Variants in INPPL1 observed in about 807,000 individuals in gnomAD.
INPPL1 encodes inositol polyphosphate phosphatase like 1.
INPPL1 carries 91 observed loss-of-function variants against 139.3 expected under a neutral mutation model. That is an observed-to-expected ratio of 0.65 (90% CI 0.55 to 0.78). INPPL1 has a LOEUF of 0.78. Ranked by LOEUF, INPPL1 falls within the 30% of genes least tolerant of loss-of-function variation. The probability of loss-of-function intolerance (pLI) is 0.00; values close to 1 mark genes in which losing one functional copy is unlikely to be tolerated. For synonymous variants in INPPL1, 719 were observed against 686.6 expected, an observed-to-expected ratio of 1.05 and a Z score of -0.74; for missense variants, 1,411 against 1,665.6, an observed-to-expected ratio of 0.85 and a Z score of 2.66.
chr11:72,231,948 C>G (rs1948846252), intron 13 of INPPL1, among the ~76,000 whole-genome samples: 1 of 152,176 alleles, frequency 6.6e-6, no homozygotes, highest in African/African-American at 2.4e-5. Flanking sequence ...CAGGTAGATT[C>G]TGCGCAGAAT....
At position 72,229,146 on chromosome 11, in the gene INPPL1, T is replaced by C; in HGVS notation, c.575T>C (p.Leu192Pro). 6.2e-7 allele frequency: 1 copy of C among 1,613,918 alleles called. No homozygotes were observed. The highest frequency in any genetic ancestry group is 8.5e-7 in the Non-Finnish European group (1 of 1,179,948). The change falls in exon 5 of 28, where the codon CTG (leucine) becomes CCG (proline). Residue 192 changes from leucine to proline, a missense_variant. Transcript: ENST00000298229. ...GACTACCTGAAAGGCAGCTATGGGC[T>C]GGACCTGGAAGCTGTGAGGGGTGGA... ...SHDYLKGSYG[L>P]DLEAVRGGAS...
chr11:72,230,765 A>C (rs1591276261), intron 10 of INPPL1, 31 bp from the exon 11 acceptor site: 2 of 1,595,188 alleles, frequency 1.3e-6, no homozygotes, highest in East Asian at 4.5e-5. Flanking sequence ...CTGGATGCCT[A>C]CCCGCCCCTG....
In INPPL1 at chr11:72,233,424, G is replaced by A. The variant is rs1418074550; in HGVS notation, c.2041-17G>A. On this transcript the variant is annotated splice_polypyrimidine_tract_variant and intron_variant, in intron 17 of 27. Coordinates refer to ENST00000298229, the MANE Select transcript of INPPL1 (RefSeq NM_001567.4). ...CCTAGCTGTCAGCTCTAACCATGCT[G>A]CCATCCCCTGCCCCAGGTCCGGACC... 6.2e-7 allele frequency: 1 copy of A among 1,612,082 alleles called. No homozygotes were observed. Among genetic ancestry groups the A allele is most frequent in the Non-Finnish European group, 8.5e-7 (1 of 1,178,354 alleles).
chr11:72,224,964 G>C lies in INPPL1; in HGVS notation c.-21G>C. 1 of 1,114,470 alleles carries C rather than the reference G, an allele frequency of 9.0e-7. No individual in the cohort carries two copies. Among genetic ancestry groups the C allele is most frequent in the South Asian group, 4.3e-5 (1 of 23,312 alleles). The allele number at this position is 1,114,470 out of a possible 1,614,324, so 69.0% of individuals were successfully genotyped here. On this transcript the variant is annotated 5_prime_UTR_variant, in exon 1 of 28. Coordinates refer to ENST00000298229, the MANE Select transcript of INPPL1 (RefSeq NM_001567.4). ...TGGCGCGGGGCGGCGGGGGCGGGCGGTGCTGAGCCCTGCGCGGGCCATGGC... is the reference window on the plus strand; with the variant it reads ...TGGCGCGGGGCGGCGGGGGCGGGCGCTGCTGAGCCCTGCGCGGGCCATGGC...
chr11:72,237,809 G>C lies in INPPL1; in HGVS notation c.3552+13G>C. ...CCTGGCAGAGGAGGTGTGTGGAGCAGGGTGGCTGTCTGTGTGTGCCTGAGT... is the reference window on the plus strand; with the variant it reads ...CCTGGCAGAGGAGGTGTGTGGAGCACGGTGGCTGTCTGTGTGTGCCTGAGT... On this transcript the variant is annotated intron_variant, in intron 26 of 27. Coordinates refer to ENST00000298229, the MANE Select transcript of INPPL1 (RefSeq NM_001567.4). The C allele has an allele frequency of 6.3e-7, 1 of 1,587,268 alleles. No homozygotes were observed. Among genetic ancestry groups the C allele is most frequent in the Non-Finnish European group, 8.6e-7 (1 of 1,167,488 alleles).
At chr11:72,226,102 C>T (rs1173488116) in intron 1 of INPPL1, among the ~76,000 whole-genome samples, 1 of 152,006 alleles carries the variant, frequency 6.6e-6, no homozygotes, top group Non-Finnish European at 1.5e-5. Context: ...ACTCCTGTCC[C>T]ACTGTACCTT....
At position 72,238,093 on chromosome 11, in the gene INPPL1, A is replaced by T. The variant is rs774578433; in HGVS notation, c.3604A>T (p.Ser1202Cys). The change falls in exon 27 of 28, where the codon AGT becomes TGT. Residue 1202 changes from serine to cysteine, a missense_variant. Coordinates refer to ENST00000298229, the MANE Select transcript of INPPL1 (RefSeq NM_001567.4). ...RASGLGEAGMSAWLRAIGLER... is the reference protein window; with the variant it reads ...RASGLGEAGMCAWLRAIGLER... ...CAGCGGGCTGGGCGAGGCAGGCATG[A>T]GTGCCTGGCTGCGGGCCATCGGCTT... is the stretch of plus-strand genomic sequence containing the variant. 5 of 1,580,248 alleles carry T rather than the reference A, an allele frequency of 3.2e-6. No homozygotes were observed. The African/African-American group carries it at 4.1e-5, about 13-fold the overall frequency.
In INPPL1 at chr11:72,228,971, G is replaced by A; in HGVS notation, c.519-119G>A. ...ACCCCCACCCCACCTCAGCCCAGAGGCAGATAACCTGATCCATCCCGCCCT... is the reference window on the plus strand; with the variant it reads ...ACCCCCACCCCACCTCAGCCCAGAGACAGATAACCTGATCCATCCCGCCCT... On this transcript the variant is annotated intron_variant, in intron 4 of 27. Coordinates refer to ENST00000298229, the MANE Select transcript of INPPL1 (RefSeq NM_001567.4). This position sits in a 1 kb window ranked among gnomAD's most constrained non-coding sequence, Gnocchi z 5.0. The A allele has an allele frequency of 2.6e-6, 4 of 1,521,764 alleles. No homozygotes were observed. The highest frequency in any genetic ancestry group is 2.6e-6 in the Non-Finnish European group (3 of 1,134,508). 94.3% of individuals were successfully genotyped at this position (1,521,764 alleles called of 1,614,324 possible).
rs111670945 is a variant in INPPL1 at position 72,230,670 on chromosome 11, G to C, written c.1198-126G>C. 5 of 864,718 alleles carry C rather than the reference G, an allele frequency of 5.8e-6. No individual in the cohort carries two copies. The African/African-American group carries it at 6.6e-5, about 11-fold the overall frequency. 53.6% of individuals were successfully genotyped at this position (864,718 alleles called of 1,614,324 possible). A position where few individuals can be genotyped will look rare whatever the true frequency, so the allele number is the denominator to read the frequency against. On this transcript the variant is annotated intron_variant, in intron 10 of 27. Transcript: ENST00000298229. ...GCCAGCACTGTTATATGCTTGAGCA[G>C]TGGGTATGCAGTGGAGAACCAGACA...
In INPPL1 at chr11:72,238,568, G is replaced by A. The variant is rs1172363628; in HGVS notation, c.*215G>A. 4.7e-6 allele frequency: 2 copies of A among 429,142 alleles called. No homozygotes were observed. Among genetic ancestry groups the A allele is most frequent in the East Asian group, 3.8e-5 (1 of 26,658 alleles). 26.6% of individuals were successfully genotyped at this position (429,142 alleles called of 1,614,324 possible). A position where few individuals can be genotyped will look rare whatever the true frequency, so the allele number is the denominator to read the frequency against. ...GCCCCTCGCCTTTTAGGCTCAGGAC[G>A]GAAGGTCAGTTGCCATGGTTACCGA... On this transcript the variant is annotated 3_prime_UTR_variant, in exon 28 of 28. Coordinates refer to ENST00000298229, the MANE Select transcript of INPPL1 (RefSeq NM_001567.4).
At chr11:72,227,970 GGGA>G in intron 1 of INPPL1, 2 of 501,390 alleles carry the variant, frequency 4.0e-6, no homozygotes, top group Non-Finnish European at 3.6e-6. Flanking sequence ...AGGTCTGGTG[GGGA>G]GACGGGGGTG....
At position 72,237,295 on chromosome 11, in the gene INPPL1, G is replaced by A. The variant is rs1949015002; in HGVS notation, c.3051G>A (p.Val1017=). 6.2e-6 allele frequency: 10 copies of A among 1,613,888 alleles called. No individual in the cohort carries two copies. Among genetic ancestry groups the A allele is most frequent in the Non-Finnish European group, 6.8e-6 (8 of 1,180,016 alleles). ...APVPSATKNK[V]AITVPAPQLG... ...TCCCATCTGCCACCAAGAACAAAGT[G>A]GCCATTACAGTGCCTGCTCCACAGC... The change falls in exon 26 of 28, where the codon GTG becomes GTA. Residue 1017 remains valine, a synonymous_variant. Transcript: ENST00000298229.
In INPPL1 at chr11:72,228,956, C is replaced by G. The variant is rs1378189345; in HGVS notation, c.518+109C>G. Reference sequence around the variant, plus strand: ...AAGACCCCACCAGGGACCCCCACCCCACCTCAGCCCAGAGGCAGATAACCT... The same window carrying G: ...AAGACCCCACCAGGGACCCCCACCCGACCTCAGCCCAGAGGCAGATAACCT... On this transcript the variant is annotated intron_variant, in intron 4 of 27. Coordinates refer to ENST00000298229, the MANE Select transcript of INPPL1 (RefSeq NM_001567.4). This position sits in a 1 kb window ranked among gnomAD's most constrained non-coding sequence, Gnocchi z 5.0. 1 of 1,518,696 alleles carries G rather than the reference C, an allele frequency of 6.6e-7. No homozygotes were observed. Among genetic ancestry groups the G allele is most frequent in the Non-Finnish European group, 8.8e-7 (1 of 1,132,924 alleles). The allele number at this position is 1,518,696 out of a possible 1,614,324, so 94.1% of individuals were successfully genotyped here. A position where few individuals can be genotyped will look rare whatever the true frequency, so the allele number is the denominator to read the frequency against.
intron 12 of INPPL1, 74 bp downstream of exon 12, chr11:72,231,263 G>A: frequency 7.1e-7 from 1 of 1,399,968 alleles, no homozygotes; most frequent in Non-Finnish European, 9.8e-7. Flanking sequence ...GACTTCATGG[G>A]CAACCCTGGG....
rs780855380 is a variant in INPPL1 at position 72,237,169 on chromosome 11, C to G, written c.2925C>G (p.Pro975=). The G allele has an allele frequency of 6.2e-7, 1 of 1,603,744 alleles. No homozygotes were observed. The highest frequency in any genetic ancestry group is 8.5e-7 in the Non-Finnish European group (1 of 1,172,034). ...CTGAACCAGAAGGGGTGGCGGCCCC[C>G]CCACCCAAGAACAGCTTCAATAACC... The part of the protein sequence containing the change: ...GAPEPEGVAA[P]PPKNSFNNPA... The change falls in exon 26 of 28, where the codon CCC becomes CCG. Residue 975 remains proline, a synonymous_variant. Transcript: ENST00000298229.
At position 72,234,283 on chromosome 11, in the gene INPPL1, C is replaced by G. The variant is rs373473641; in HGVS notation, c.2215C>G (p.Leu739Val). Residue 739 changes from leucine (L) to valine (V), a missense_variant and splice_region_variant, in exon 20 of 28, where the codon CTC becomes GTC. Physicochemically the swap from Leu to Val is conservative, Grantham distance 32. Around this residue, in one of 5 missense-constraint regions of INPPL1, gnomAD observed 363 missense variants for 446.2 expected, o/e 0.81. Transcript: ENST00000298229. The surrounding 1 kb of genome is among the most constrained non-coding windows in gnomAD (Gnocchi z 4.2). ...TGTTCTCCTCCCTTTCTCCTCAGGG[C>G]TCTCAAAGACTTCAGACCAGGCCTA... ...VTSQFISKKG[L>V]SKTSDQAYIE... 1 of 1,610,976 alleles carries G rather than the reference C, an allele frequency of 6.2e-7. No individual in the cohort carries two copies. Among genetic ancestry groups the G allele is most frequent in the African/African-American group, 1.3e-5 (1 of 74,830 alleles).
chr11:72,228,238 T>C lies in INPPL1; in HGVS notation c.231T>C (p.Asp77=). The C allele has an allele frequency of 6.2e-7, 1 of 1,614,030 alleles. No individual in the cohort carries two copies. Among genetic ancestry groups the C allele is most frequent in the Non-Finnish European group, 8.5e-7 (1 of 1,179,976 alleles). Residue 77 remains aspartate (D), a synonymous_variant, in exon 2 of 28, where the codon GAT becomes GAC. Coordinates refer to ENST00000298229, the MANE Select transcript of INPPL1 (RefSeq NM_001567.4). This position sits in a 1 kb window ranked among gnomAD's most constrained non-coding sequence, Gnocchi z 5.0. ...HTYRILPDGE[D]FLAVQTSQGV... ...ATCGCATTCTGCCTGATGGAGAAGA[T>C]TTCTTGGCTGTGCAGGTAGGAGCTT...
In INPPL1 at chr11:72,231,008, C is replaced by CA. The variant is rs1326136034; in HGVS notation, c.1322dup (p.Asn441LysfsTer25). ...TCACCTCCAGGAAGTGTACCACCTC[C>CA]AAAAAACGTGACATCCTGGTTCACA... is the stretch of plus-strand genomic sequence containing the variant. On this transcript the variant is annotated frameshift_variant, in exon 12 of 28. Transcript: ENST00000298229. LOFTEE classifies it high-confidence loss of function. 1 of 1,613,524 alleles carries CA rather than the reference C, an allele frequency of 6.2e-7. No individual in the cohort carries two copies. The highest frequency in any genetic ancestry group is 1.7e-5 in the Admixed American group (1 of 59,926).
chr11:72,238,287 G>A lies in INPPL1; in HGVS notation c.3711G>A (p.Glu1237=), dbSNP rs1198587429. Residue 1237 remains glutamate (E), a synonymous_variant, in exon 28 of 28, where the codon GAG becomes GAA. Coordinates refer to ENST00000298229, the MANE Select transcript of INPPL1 (RefSeq NM_001567.4). ...FLSDITEEDL[E]EAGVQDPAHK... ...GTGACATCACCGAGGAGGACTTGGA[G>A]GAGGCTGGGGTGCAGGACCCGGCTC... 3.7e-6 allele frequency: 6 copies of A among 1,610,246 alleles called. No homozygotes were observed. Among genetic ancestry groups the A allele is most frequent in the Non-Finnish European group, 5.1e-6 (6 of 1,178,074 alleles).
Sources: allele counts gnomAD v4.1 joint callset (sites outside exome capture counted in the v4.1 genomes callset), GRCh38; gene constraint gnomAD v4.1.1; regional missense constraint gnomAD v4.1.1; non-coding constraint Gnocchi (gnomAD v3.1); transcripts MANE v1.5; gene names NCBI Gene and HGNC (gene_info 2026-07-23, HGNC 2026-07-21).